MRPL35: variants seen among roughly 807,000 people sequenced by gnomAD.
MRPL35 encodes the protein mitochondrial ribosomal protein L35.
MRPL35 carries 18 observed loss-of-function variants against 21.6 expected under a neutral mutation model. The ratio of observed to expected loss-of-function variants is 0.83; its 90% CI spans 0.58 to 1.24. MRPL35 has a LOEUF of 1.24. Among genes scored for constraint, MRPL35 ranks in the 50% most tolerant of loss-of-function variants. The pLI is 0.00. For synonymous variants in MRPL35, 87 were observed against 86.9 expected (o/e 1.00, Z -0.01); for missense variants, 223 against 223.2 (o/e 1.00, Z 0.01).
rs571868281 is a variant in MRPL35, at chr2:86,212,196, T to A, written c.*1528T>A. The A allele has an allele frequency of 2.4e-5, 31 of 1,303,334 alleles. No homozygotes were observed. The highest frequency in any genetic ancestry group is 4.6e-5 in the African/African-American group (3 of 65,624). The allele number at this position is 1,303,334 out of a possible 1,614,324, so 80.7% of individuals were successfully genotyped here. ...TGTTAGTAAAATTATGAAATTGAAG[T>A]TCTGCAGCATGTCAGGCCAGGATTA... On this transcript the variant is annotated 3_prime_UTR_variant, in exon 4 of 4. Coordinates refer to ENST00000337109, the MANE Select transcript of MRPL35 (RefSeq NM_016622.4).
Position 86,207,245 on chromosome 2 carries a change from C to G in MRPL35, c.296C>G (p.Ala99Gly), listed in dbSNP as rs201070030. 2 of 1,614,036 alleles carry G rather than the reference C, an allele frequency of 1.2e-6. No homozygotes were observed. The highest frequency in any genetic ancestry group is 1.7e-6 in the Non-Finnish European group (2 of 1,179,952). The change falls in exon 3 of 4, where the codon GCA becomes GGA. Residue 99 changes from alanine to glycine, a missense_variant. Transcript: ENST00000337109. ...LPVRSLTYFS[A>G]RKGKRKTVKA... ...GTCAGATCTCTAACATACTTCAGTG[C>G]AAGAAAAGGCAAGAGAAAGACCGTG...
rs1673781904 is a variant in MRPL35 at position 86,206,034 on chromosome 2, A to G, written c.44-72A>G. 2.3e-6 allele frequency: 3 copies of G among 1,306,750 alleles called. No homozygotes were observed. The Admixed American group carries it at 6.1e-5, about 27-fold the overall frequency. The allele number at this position is 1,306,750 out of a possible 1,614,324, so 80.9% of individuals were successfully genotyped here. ...TTATGTTTAATACTTGGTGGCAGTG[A>G]TACATCTCTTAATTTTTAATATCTG... is the stretch of plus-strand genomic sequence containing the variant. On this transcript the variant is annotated intron_variant, in intron 1 of 3. Transcript: ENST00000337109.
Position 86,206,017 on chromosome 2 carries a change from A to C in MRPL35, c.44-89A>C, listed in dbSNP as rs1673781540. ...TGCTCAGGGCACGTTAATTATGTTT[A>C]ATACTTGGTGGCAGTGATACATCTC... is the stretch of plus-strand genomic sequence containing the variant. On this transcript the variant is annotated intron_variant, in intron 1 of 3. Coordinates refer to ENST00000337109, the MANE Select transcript of MRPL35 (RefSeq NM_016622.4). 1.8e-5 allele frequency: 21 copies of C among 1,151,804 alleles called. No individual in the cohort carries two copies. In the South Asian group the frequency reaches 2.2e-4, roughly 12 times the overall value. The allele number at this position is 1,151,804 out of a possible 1,614,324, so 71.3% of individuals were successfully genotyped here.
At chr2:86,205,392 TA>T (rs1479297883) in intron 1 of MRPL35, among the ~76,000 whole-genome samples, 1 of 149,026 alleles carries the variant, frequency 6.7e-6, no homozygotes. Context: ...TTACATTGAG[TA>T]GGCTGAGGAG....
chr2:86,199,500 T>C lies in MRPL35; in HGVS notation c.10T>C (p.Ser4Pro). MAA[S>P]AFAGAVRAAS... ...GTAGGCGAAGGTGAAGATGGCTGCCTCTGCCTTTGCTGGTGCAGTGAGAGC... is the reference window on the plus strand; with the variant it reads ...GTAGGCGAAGGTGAAGATGGCTGCCCCTGCCTTTGCTGGTGCAGTGAGAGC... Residue 4 changes from serine (S) to proline (P), a missense_variant, in exon 1 of 4, where the codon TCT (serine) becomes CCT (proline). Physicochemically the swap from Ser to Pro is moderately conservative, Grantham distance 74. Transcript: ENST00000337109. 2 of 1,614,168 alleles carry C rather than the reference T, an allele frequency of 1.2e-6. No homozygotes were observed. Among genetic ancestry groups the C allele is most frequent in the Non-Finnish European group, 1.7e-6 (2 of 1,180,008 alleles).
chr2:86,213,539 A>C lies in MRPL35; in HGVS notation c.*2871A>C, dbSNP rs1256611010. 8 of 1,454,702 alleles carry C rather than the reference A, an allele frequency of 5.5e-6. No individual in the cohort carries two copies. The South Asian group carries it at 8.4e-5, about 15-fold the overall frequency. 90.1% of individuals were successfully genotyped at this position (1,454,702 alleles called of 1,614,324 possible). A position where few individuals can be genotyped will look rare whatever the true frequency, so the allele number is the denominator to read the frequency against. ...TCCAAGTCTTTGTGGCCACCCAATGAAGTTTGAGTCTGCCTGTTCAGATGT... is the reference window on the plus strand; with the variant it reads ...TCCAAGTCTTTGTGGCCACCCAATGCAGTTTGAGTCTGCCTGTTCAGATGT... On this transcript the variant is annotated 3_prime_UTR_variant, in exon 4 of 4. Transcript: ENST00000337109.
At position 86,212,606 on chromosome 2, in the gene MRPL35, C is replaced by A; in HGVS notation, c.*1938C>A. The A allele has an allele frequency of 7.1e-7, 1 of 1,418,402 alleles. No individual in the cohort carries two copies. The highest frequency in any genetic ancestry group is 9.2e-7 in the Non-Finnish European group (1 of 1,087,968). 87.9% of individuals were successfully genotyped at this position (1,418,402 alleles called of 1,614,324 possible). ...ATATGGATGACAAGGGTCTCTGTTA[C>A]AGGGGCCTCAGAGCACCTTCGTTTC... On this transcript the variant is annotated 3_prime_UTR_variant, in exon 4 of 4. Transcript: ENST00000337109.
At chr2:86,207,752 A>T (rs9789526) in intron 3 of MRPL35, among the ~76,000 whole-genome samples, 62,169 of 152,078 alleles carry the variant, frequency 0.41, 13,841 homozygotes, top group Non-Finnish European at 0.51. Context: ...GGCGGGCAGA[A>T]CACTTGAGGT....
In MRPL35 at chr2:86,213,103, ATCTCAG is replaced by A; in HGVS notation, c.*2441_*2446del. ...CAAAGTACAGCTAATAAGACCCAGAATCTCAGTCTCACTCCTTGGGATCCTGTGTAT... is the reference window on the plus strand; with the variant it reads ...CAAAGTACAGCTAATAAGACCCAGAATCTCACTCCTTGGGATCCTGTGTAT... On this transcript the variant is annotated 3_prime_UTR_variant, in exon 4 of 4. Transcript: ENST00000337109. 1 of 985,674 alleles carries A rather than the reference ATCTCAG, an allele frequency of 1.0e-6. No individual in the cohort carries two copies. The highest frequency in any genetic ancestry group is 4.7e-5 in the South Asian group (1 of 21,286). The allele number at this position is 985,674 out of a possible 1,614,324, so 61.1% of individuals were successfully genotyped here.
In MRPL35 at chr2:86,206,227, C is replaced by G. The variant is rs1377949167; in HGVS notation, c.165C>G (p.Ser55=). The G allele has an allele frequency of 5.6e-6, 9 of 1,613,758 alleles. No homozygotes were observed. The East Asian group carries it at 1.1e-4, about 20-fold the overall frequency. Residue 55 remains serine, a synonymous_variant, in exon 2 of 4, where the codon TCC becomes TCG. Transcript: ENST00000337109. ...GTCATATTCAGACACCAGTTGTTTC[C>G]TCCACTCCCAGACTTACCACATCTG... The part of the protein sequence containing the change: ...RFSHIQTPVV[S]STPRLTTSER...
chr2:86,202,467 T>C (rs1214409678), intron 1 of MRPL35, among the ~76,000 whole-genome samples: 2 of 152,194 alleles, frequency 1.3e-5, no homozygotes, highest in African/African-American at 4.8e-5. Flanking sequence ...TTTTAATTTT[T>C]TAACCAAGAG....
intron 1 of MRPL35, among the ~76,000 whole-genome samples, chr2:86,200,852 GT>G (rs1212421269): frequency 1.3e-5 from 2 of 152,226 alleles, no homozygotes; most frequent in East Asian, 3.9e-4. Context: ...TTTTAGTAGA[GT>G]TGGGGTTTCT....
intron 3 of MRPL35, 51 bp from the exon 4 acceptor site, chr2:86,210,429 G>A: frequency 6.8e-7 from 1 of 1,465,582 alleles, no homozygotes; most frequent in Non-Finnish European, 9.2e-7. Flanking sequence ...GAAGATACCT[G>A]TTGTTTCATA....
At chr2:86,207,126 A>G (rs1673813357) in intron 2 of MRPL35, 57 bp from the exon 3 acceptor site, 2 of 1,491,690 alleles carry the variant, frequency 1.3e-6, no homozygotes, top group African/African-American at 1.4e-5. Flanking sequence ...TAGATAATGA[A>G]TTTTAATCCT....
Position 86,199,633 on chromosome 2 carries a change from GT to G in MRPL35, c.43+101del, listed in dbSNP as rs541922759. On this transcript the variant is annotated intron_variant, in intron 1 of 3. Transcript: ENST00000337109. ...GACTGGAGGTTAACAAGCAAAAAGG[GT>G]CATTATTTAAGTTAAGAAGGTTGCG... 3.4e-3 allele frequency: 4,851 copies of G among 1,444,826 alleles called. 15 individuals carry two copies. The highest frequency in any genetic ancestry group is 4.1e-3 in the Non-Finnish European group (4,323 of 1,045,040). The allele number at this position is 1,444,826 out of a possible 1,614,324, so 89.5% of individuals were successfully genotyped here. A position where few individuals can be genotyped will look rare whatever the true frequency, so the allele number is the denominator to read the frequency against.
Position 86,212,531 on chromosome 2 carries a change from G to C in MRPL35, c.*1863G>C, listed in dbSNP as rs1673927472. 1 of 1,596,756 alleles carries C rather than the reference G, an allele frequency of 6.3e-7. No homozygotes were observed. The highest frequency in any genetic ancestry group is 1.4e-5 in the African/African-American group (1 of 73,984). ...TGAGATGGAAATGGTGCCTGCAGAAGTTGGGGAGAAGGATACTTTTGCACA... is the reference window on the plus strand; with the variant it reads ...TGAGATGGAAATGGTGCCTGCAGAACTTGGGGAGAAGGATACTTTTGCACA... On this transcript the variant is annotated 3_prime_UTR_variant, in exon 4 of 4. Transcript: ENST00000337109.
At position 86,212,176 on chromosome 2, in the gene MRPL35, G is replaced by T. The variant is rs564665729; in HGVS notation, c.*1508G>T. The T allele has an allele frequency of 4.0e-5, 52 of 1,286,396 alleles. No individual in the cohort carries two copies. Among genetic ancestry groups the T allele is most frequent in the Non-Finnish European group, 5.1e-5 (52 of 1,016,346 alleles). The allele number at this position is 1,286,396 out of a possible 1,614,324, so 79.7% of individuals were successfully genotyped here. On this transcript the variant is annotated 3_prime_UTR_variant, in exon 4 of 4. Transcript: ENST00000337109. ...ATAAGATGAAATTCCTCTGTTGTTA[G>T]TAAAATTATGAAATTGAAGTTCTGC...
At position 86,212,749 on chromosome 2, in the gene MRPL35, T is replaced by C. The variant is rs1187509460; in HGVS notation, c.*2081T>C. ...ATAACTTACGGGAAAGGGAATTTCA[T>C]ACATACGATTTTTGTTTTGTGGGTA... On this transcript the variant is annotated 3_prime_UTR_variant, in exon 4 of 4. Coordinates refer to ENST00000337109, the MANE Select transcript of MRPL35 (RefSeq NM_016622.4). The C allele has an allele frequency of 4.0e-5, 46 of 1,138,476 alleles. No homozygotes were observed. Among genetic ancestry groups the C allele is most frequent in the Non-Finnish European group, 4.8e-5 (45 of 929,250 alleles). The allele number at this position is 1,138,476 out of a possible 1,614,324, so 70.5% of individuals were successfully genotyped here. A position where few individuals can be genotyped will look rare whatever the true frequency, so the allele number is the denominator to read the frequency against.
chr2:86,200,718 G>A (rs1027909781), intron 1 of MRPL35, among the ~76,000 whole-genome samples: 20 of 144,414 alleles, frequency 1.4e-4, no homozygotes, highest in Non-Finnish European at 2.9e-4. Context: ...CTCTCTTGTT[G>A]CCCAGGCTGG....
Sources: gnomAD v4.1 joint callset for allele counts (sites outside exome capture counted in the v4.1 genomes callset) on GRCh38, gnomAD v4.1.1 for gene constraint, MANE v1.5 for transcripts, NCBI Gene and HGNC (gene_info 2026-07-23, HGNC 2026-07-21) for gene names.